The following BDNF variants were observed in gnomAD, a reference collection of about 807,000 sequenced individuals.
BDNF encodes brain derived neurotrophic factor.
A neutral mutation model predicts 19.5 loss-of-function variants in BDNF; 1 was observed. The observed-to-expected ratio is 0.05, with a 90% confidence interval of 0.02 to 0.24. The LOEUF (loss-of-function observed/expected upper bound fraction) is 0.24, where lower values mean the gene tolerates loss of function less well. BDNF is among the 10% of genes least tolerant of loss of function. The pLI, the probability that BDNF is intolerant of heterozygous loss-of-function variation, is 1.00. For synonymous variants in BDNF, 100 were observed against 121.6 expected, an observed-to-expected ratio of 0.82 and a Z score of 1.17; for missense variants, 195 against 317.6, an observed-to-expected ratio of 0.61 and a Z score of 2.93.
intron 1 of BDNF, among the ~76,000 whole-genome samples, chr11:27,664,834 C>A (rs753090715): frequency 2.2e-4 from 33 of 152,124 alleles, no homozygotes; most frequent in Non-Finnish European, 4.6e-4. Context: ...TAGCCAGAGC[C>A]ACCCAGAATT....
At chr11:27,701,112 T>C, upstream of BDNF, 1 of 1,297,528 alleles carries the variant, frequency 7.7e-7, no homozygotes, top group African/African-American at 1.5e-5. Flanking sequence ...CTCTAGAGTT[T>C]GCCTAATAGG....
chr11:27,721,856 C>A lies in BDNF; in HGVS notation c.-442G>T, dbSNP rs200131453. 4.0e-4 allele frequency: 69 copies of A among 172,772 alleles called. 1 individual carries two copies. The Middle Eastern group carries it at 8.8e-3, about 22-fold the overall frequency. 10.7% of individuals were successfully genotyped at this position (172,772 alleles called of 1,614,324 possible). A position where few individuals can be genotyped will look rare whatever the true frequency, so the allele number is the denominator to read the frequency against. ...AGAGAAAGTGAGGAGTTTCAGGGTA[C>A]CCCTGTAAAAAAAAAAACTCAGCCT... On this transcript the variant is annotated 5_prime_UTR_variant, in exon 1 of 2. Coordinates refer to the BDNF transcript ENST00000314915.
chr11:27,718,354 A>ACCCCCCCCCACCCC (rs376255605), intron 1 of BDNF, among the ~76,000 whole-genome samples: 1 of 101,112 alleles, frequency 9.9e-6, no homozygotes, highest in Non-Finnish European at 2.0e-5. Context: ...TCCGCACACC[A>ACCCCCCCCCACCCC]CCCCCCCCCG....
chr11:27,719,545 G>T (rs2883187), intron 1 of BDNF: 5 of 984,844 alleles, frequency 5.1e-6, no homozygotes, highest in Middle Eastern at 5.2e-4. Context: ...CGGCTGGGGA[G>T]CGGAGCGCGG....
chr11:27,718,361 C>G (rs576816937), intron 1 of BDNF, among the ~76,000 whole-genome samples: 2 of 144,160 alleles, frequency 1.4e-5, no homozygotes, highest in African/African-American at 2.5e-5. Flanking sequence ...ACCACCCCCC[C>G]CCGCCCCTCC....
At position 27,655,051 on chromosome 11, in the gene BDNF, T is replaced by C. The variant is rs1174345174; in HGVS notation, c.*2770A>G. 6.6e-6 allele frequency: 1 copy of C among 152,276 alleles called. No individual in the cohort carries two copies. The allele number at this position is 152,276 out of a possible 1,614,324, so 9.4% of individuals were successfully genotyped here. On this transcript the variant is annotated 3_prime_UTR_variant, in exon 2 of 2. Coordinates refer to ENST00000356660, the MANE Select transcript of BDNF (RefSeq NM_001709.5). ...AATTTTTTTCAATAACATAATTATA[T>C]AAATATACTAAAATACAATAAATAT...
chr11:27,710,575 A>T (rs1034525086), intron 1 of BDNF, among the ~76,000 whole-genome samples: 1 of 152,202 alleles, frequency 6.6e-6, no homozygotes, highest in Non-Finnish European at 1.5e-5. Context: ...GCCAATAAAC[A>T]TTCTAGTCCC....
chr11:27,702,482 G>C (rs567493239), upstream of BDNF, among the ~76,000 whole-genome samples: 28 of 152,300 alleles, frequency 1.8e-4, no homozygotes, highest in African/African-American at 5.8e-4. Context: ...TTCTGTGTGT[G>C]TGCGTTTTTC....
chr11:27,691,073 C>T (rs1858198546), intron 1 of BDNF: 2 of 152,126 alleles, frequency 1.3e-5, no homozygotes, highest in South Asian at 2.1e-4. Flanking sequence ...TTTATTGTCT[C>T]AATTTGTACA....
chr11:27,716,184 G>T (rs1171362159), intron 1 of BDNF, among the ~76,000 whole-genome samples: 1 of 152,148 alleles, frequency 6.6e-6, no homozygotes, highest in Non-Finnish European at 1.5e-5. Context: ...AAAGAGGAAA[G>T]ATGTCATATT....
intron 1 of BDNF, among the ~76,000 whole-genome samples, chr11:27,685,202 C>G (rs920076655): frequency 1.3e-5 from 2 of 152,104 alleles, no homozygotes; most frequent in Non-Finnish European, 2.9e-5. Context: ...TTATAGTGTT[C>G]TCTGATGGTA....
At chr11:27,685,195 T>C (rs910736118) in intron 1 of BDNF, among the ~76,000 whole-genome samples, 4 of 152,230 alleles carry the variant, frequency 2.6e-5, no homozygotes, top group African/African-American at 9.6e-5. Flanking sequence ...GAGGTGTTTA[T>C]AGTGTTCTCT....
At chr11:27,664,857 G>A (rs919563928) in intron 1 of BDNF, among the ~76,000 whole-genome samples, 21 of 152,048 alleles carry the variant, frequency 1.4e-4, no homozygotes, top group Admixed American at 8.5e-4. Context: ...CAGTCACATC[G>A]AACCTTGCCC....
chr11:27,669,828 C>A (rs534968800), intron 1 of BDNF, among the ~76,000 whole-genome samples: 1 of 152,104 alleles, frequency 6.6e-6, no homozygotes, highest in African/African-American at 2.4e-5. Context: ...AATGGCCATA[C>A]TACCCAAGGT....
At position 27,657,184 on chromosome 11, in the gene BDNF, A is replaced by G; in HGVS notation, c.*637T>C. 1.0e-6 allele frequency: 1 copy of G among 982,906 alleles called. No homozygotes were observed. The highest frequency in any genetic ancestry group is 1.2e-6 in the Non-Finnish European group (1 of 827,180). 60.9% of individuals were successfully genotyped at this position (982,906 alleles called of 1,614,324 possible). On this transcript the variant is annotated 3_prime_UTR_variant, in exon 2 of 2. Transcript: ENST00000356660. This position sits in a 1 kb window ranked among gnomAD's most constrained non-coding sequence, Gnocchi z 5.0. ...ATGTATCTTTTATCAGCCAGAATATATATTGTAGGAATTCTTTCCCCATCT... is the reference window on the plus strand; with the variant it reads ...ATGTATCTTTTATCAGCCAGAATATGTATTGTAGGAATTCTTTCCCCATCT...
intron 1 of BDNF, among the ~76,000 whole-genome samples, chr11:27,673,248 CAAA>C (rs376465673): frequency 9.1e-5 from 6 of 66,216 alleles, no homozygotes; most frequent in Non-Finnish European, 7.8e-5. Context: ...ATGCTGTGTA[CAAA>C]AAAAAAAAAA....
In BDNF at chr11:27,667,530, G is replaced by T. The variant is rs1854567896; in HGVS notation, c.-21-8945C>A. Among the ~76,000 whole-genome samples the T allele has an allele frequency of 2.6e-5, 4 of 152,248 alleles. No individual in the cohort carries two copies. The South Asian group carries it at 8.3e-4, about 32-fold the overall frequency. The stretch of plus-strand genomic sequence containing the variant: ...GCTGTATTCAGCAGACCCATCTCAT[G>T]TGCAGAGACGCACATAGGCTCAAAA... On this transcript the variant is annotated intron_variant, in intron 1 of 1. Coordinates refer to ENST00000356660, the MANE Select transcript of BDNF (RefSeq NM_001709.5).
chr11:27,688,350 G>A (rs762499917), intron 1 of BDNF, among the ~76,000 whole-genome samples: 11 of 152,228 alleles, frequency 7.2e-5, no homozygotes, highest in Non-Finnish European at 1.3e-4. Context: ...CGTGCTCCAT[G>A]GGGGTGGGAT....
upstream of BDNF, among the ~76,000 whole-genome samples, chr11:27,702,600 T>C (rs905630739): frequency 3.3e-5 from 5 of 152,218 alleles, no homozygotes; most frequent in African/African-American, 7.2e-5. Context: ...TATAAACAGT[T>C]TCCTTTCCTG....
Sources: gnomAD v4.1 joint callset for allele counts (sites outside exome capture counted in the v4.1 genomes callset) on GRCh38, gnomAD v4.1.1 for gene constraint, Gnocchi (gnomAD v3.1) non-coding constraint, MANE v1.5 for transcripts, NCBI Gene and HGNC (gene_info 2026-07-23, HGNC 2026-07-21) for gene names.